DGKG: variants seen among roughly 807,000 people sequenced by gnomAD.
DGKG encodes DAG kinase gamma.
A neutral mutation model predicts 105.3 loss-of-function variants in DGKG; 78 were observed. The observed-to-expected ratio is 0.74, with a 90% CI of 0.62 to 0.89. The LOEUF is 0.89. DGKG is among the 40% of genes least tolerant of loss of function. The pLI, the probability that DGKG is intolerant of heterozygous loss-of-function variation, is 0.00. For synonymous variants in DGKG, 346 were observed against 367.1 expected (o/e 0.94, Z 0.66); for missense variants, 958 against 1,020.1 (o/e 0.94, Z 0.83).
chr3:186,215,856 T>C (rs1352518062), intron 20 of DGKG, among the ~76,000 whole-genome samples: 1 of 152,024 alleles, frequency 6.6e-6, no homozygotes, highest in African/African-American at 2.4e-5. Context: ...AAGACAGCAC[T>C]TTTGTTTTTG....
intron 22 of DGKG, among the ~76,000 whole-genome samples, chr3:186,186,166 T>C (rs1717627252): frequency 6.7e-6 from 1 of 150,058 alleles, no homozygotes; most frequent in South Asian, 2.1e-4. Context: ...GGTGTGGAGA[T>C]GATGTTTCCT....
intron 2 of DGKG, among the ~76,000 whole-genome samples, chr3:186,308,186 G>C (rs1724348214): frequency 6.6e-6 from 1 of 152,122 alleles, no homozygotes; most frequent in African/African-American, 2.4e-5. Flanking sequence ...CTTTCCATAG[G>C]AAATCATTCA....
chr3:186,349,173 G>A (rs532891908), intron 1 of DGKG, among the ~76,000 whole-genome samples: 11 of 152,022 alleles, frequency 7.2e-5, no homozygotes, highest in African/African-American at 2.7e-4. Flanking sequence ...CTGGGCTTAA[G>A]CAATCCTCCT....
At chr3:186,150,880 C>A (rs894742421) in intron 24 of DGKG, among the ~76,000 whole-genome samples, 1 of 152,240 alleles carries the variant, frequency 6.6e-6, no homozygotes, top group African/African-American at 2.4e-5. Context: ...TTATTCCCAA[C>A]CTTATCCTCA....
chr3:186,328,312 A>G (rs77274506), intron 1 of DGKG, among the ~76,000 whole-genome samples: 67 of 152,300 alleles, frequency 4.4e-4, no homozygotes, highest in African/African-American at 1.6e-3. Flanking sequence ...AGACACCCAA[A>G]CAGCTATTAA....
At chr3:186,256,168 C>T (rs1439259599) in intron 17 of DGKG, among the ~76,000 whole-genome samples, 3 of 152,172 alleles carry the variant, frequency 2.0e-5, no homozygotes, top group Non-Finnish European at 2.9e-5. Flanking sequence ...AACTCCAGAG[C>T]CCAAGGTGAC....
intron 1 of DGKG, among the ~76,000 whole-genome samples, chr3:186,357,343 C>G (rs1438707110): frequency 6.6e-6 from 1 of 152,078 alleles, no homozygotes; most frequent in Non-Finnish European, 1.5e-5. Context: ...TCCCAGGAAG[C>G]CAAGATGGTG....
intron 21 of DGKG, among the ~76,000 whole-genome samples, chr3:186,201,214 A>C (rs1325512832): frequency 6.6e-6 from 1 of 151,392 alleles, no homozygotes; most frequent in Non-Finnish European, 1.5e-5. Context: ...GCAGATTAAT[A>C]GGCTTTGCTG....
intron 3 of DGKG, among the ~76,000 whole-genome samples, chr3:186,299,626 A>T (rs1723773220): frequency 6.6e-6 from 1 of 151,404 alleles, no homozygotes. Context: ...GTGTCTCTTT[A>T]TTTCACACTC....
intron 1 of DGKG, among the ~76,000 whole-genome samples, chr3:186,348,275 C>T (rs1326545391): frequency 6.6e-6 from 1 of 151,648 alleles, no homozygotes; most frequent in Non-Finnish European, 1.5e-5. Context: ...CTTTTCCATT[C>T]CCAAGCTTTA....
chr3:186,337,427 A>G (rs928499215), intron 1 of DGKG, among the ~76,000 whole-genome samples: 1 of 152,190 alleles, frequency 6.6e-6, no homozygotes, highest in African/African-American at 2.4e-5. Flanking sequence ...AAAAAAACAA[A>G]CAAAACCTTT....
Position 186,298,150 on chromosome 3 carries a change from A to T in DGKG, c.224T>A (p.Leu75His), listed in dbSNP as rs1327972169. The T allele has an allele frequency of 6.2e-7, 1 of 1,613,996 alleles. No homozygotes were observed. The highest frequency in any genetic ancestry group is 1.3e-5 in the African/African-American group (1 of 74,920). The change falls in exon 4 of 25, where the codon CTC becomes CAC. Residue 75 changes from leucine (L) to histidine (H), a missense_variant. Leu to His is a moderately conservative substitution (Grantham distance 99). Around this residue, in one of 2 missense-constraint regions of DGKG, gnomAD observed 643 missense variants for 619.5 expected, o/e 1.04. Coordinates refer to ENST00000265022, the MANE Select transcript of DGKG (RefSeq NM_001346.3). ...GGGCTTCTGGCTGAAGGCCAGGAAGAGGTGAGTGCTCAGTGGCTGGGGAAG... is the reference window on the plus strand; with the variant it reads ...GGGCTTCTGGCTGAAGGCCAGGAAGTGGTGAGTGCTCAGTGGCTGGGGAAG... ...VDLPQPLSTH[L>H]FLAFSQKPRH...
chr3:186,205,429 G>A (rs1003719055), intron 21 of DGKG, among the ~76,000 whole-genome samples: 8 of 152,090 alleles, frequency 5.3e-5, no homozygotes, highest in South Asian at 2.1e-4. Context: ...AGTTGAAGGC[G>A]CCAGGCGCGG....
chr3:186,323,296 C>T (rs1201897089), intron 1 of DGKG, among the ~76,000 whole-genome samples: 1 of 152,202 alleles, frequency 6.6e-6, no homozygotes, highest in Admixed American at 6.5e-5. Context: ...GCATTGCAAC[C>T]ACTGTCACCG....
At chr3:186,268,694 C>T (rs1722173614) in intron 12 of DGKG, 107 bp downstream of exon 12, 1 of 765,348 alleles carries the variant, frequency 1.3e-6, no homozygotes, top group Non-Finnish European at 2.2e-6. Flanking sequence ...TAGCCTCGCT[C>T]CCCTGGCTTT....
intron 2 of DGKG, among the ~76,000 whole-genome samples, chr3:186,314,710 C>T (rs963430786): frequency 3.1e-4 from 46 of 147,766 alleles, no homozygotes; most frequent in South Asian, 6.4e-4. Context: ...GCCGAGATCG[C>T]GCCGCTGCAC....
intron 3 of DGKG, among the ~76,000 whole-genome samples, chr3:186,300,587 C>T (rs934301437): frequency 2.0e-5 from 3 of 152,156 alleles, no homozygotes; most frequent in Non-Finnish European, 2.9e-5. Flanking sequence ...ATTTCTAAAG[C>T]TCTTTTTTGC....
chr3:186,295,284 C>G (rs1054400296), intron 5 of DGKG, among the ~76,000 whole-genome samples: 2 of 152,024 alleles, frequency 1.3e-5, no homozygotes, highest in Non-Finnish European at 2.9e-5. Flanking sequence ...GGGCAGATCA[C>G]GAGGTCAGGA....
chr3:186,311,663 T>C (rs1724549908), intron 2 of DGKG, among the ~76,000 whole-genome samples: 1 of 152,104 alleles, frequency 6.6e-6, no homozygotes, highest in African/African-American at 2.4e-5. Context: ...AGGGAAAAAT[T>C]TGGCCCTACA....
Sources: gnomAD v4.1 joint callset for allele counts (sites outside exome capture counted in the v4.1 genomes callset) on GRCh38, gnomAD v4.1.1 for gene constraint, gnomAD v4.1.1 regional missense constraint, MANE v1.5 for transcripts, NCBI Gene and HGNC (gene_info 2026-07-23, HGNC 2026-07-21) for gene names.